ITFG2: variants seen among roughly 807,000 people sequenced by gnomAD.
The protein encoded by ITFG2 is KICSTOR complex protein ITFG2.
Under a neutral mutation model 54.4 loss-of-function variants are expected in ITFG2, and 36 were observed. The observed-to-expected ratio is 0.66, with a 90% CI of 0.51 to 0.87. The LOEUF is 0.87. ITFG2 is among the 40% of genes least tolerant of loss of function. ITFG2 has a pLI of 0.00. For synonymous variants in ITFG2, 211 were observed against 225.4 expected (o/e 0.94, Z 0.57); for missense variants, 524 against 576.7 (o/e 0.91, Z 0.94).
At chr12:2,827,388 C>T (rs1403578488), downstream of ITFG2, 43 of 1,530,296 alleles carry the variant, frequency 2.8e-5, no homozygotes, top group Non-Finnish European at 3.3e-5. The surrounding 1 kb of genome is among the most constrained non-coding windows in gnomAD (Gnocchi z 4.0). Flanking sequence ...CCACTTCCCA[C>T]AGCTTCCACC....
At chr12:2,852,812 A>G (rs1328176691) in intron 2 of ITFG2, among the ~76,000 whole-genome samples, 2 of 152,050 alleles carry the variant, frequency 1.3e-5, no homozygotes, top group Non-Finnish European at 2.9e-5. Flanking sequence ...AGCCTGGCCA[A>G]CATGGAGAAA....
chr12:2,849,743 TGTC>T (rs2153928242), intron 2 of ITFG2, among the ~76,000 whole-genome samples: 1 of 152,334 alleles, frequency 6.6e-6, no homozygotes, highest in South Asian at 2.1e-4. Flanking sequence ...GGTGAAATAA[TGTC>T]GTGCAGCTAG....
chr12:2,834,868 G>T (rs61735301), upstream of ITFG2: 1 of 1,613,850 alleles, frequency 6.2e-7, no homozygotes, highest in Non-Finnish European at 8.5e-7. Flanking sequence ...GGGGCTGCTC[G>T]GTGGGGGCGT....
intron 1 of ITFG2, among the ~76,000 whole-genome samples, chr12:2,814,011 G>A (rs957464125): frequency 1.3e-5 from 2 of 152,124 alleles, no homozygotes; most frequent in Non-Finnish European, 2.9e-5. Context: ...TGGTGCAATC[G>A]TAGCTCACTG....
At chr12:2,815,756 T>C (rs2097919884) in intron 1 of ITFG2, among the ~76,000 whole-genome samples, 1 of 152,210 alleles carries the variant, frequency 6.6e-6, no homozygotes. Flanking sequence ...GGGTGGGCCA[T>C]AGATTGTGTG....
Position 2,855,155 on chromosome 12 carries a change from G to A in ITFG2, n.301-2857G>A, listed in dbSNP as rs777953082. On this transcript the variant is annotated intron_variant and non_coding_transcript_variant, in intron 2 of 3. Coordinates refer to the ITFG2 transcript ENST00000537710. Reference sequence around the variant, plus strand: ...TGGGCATTGGAGTCGGTCAGCCAGCGCCAGACATTGCTATCGTAGGGCCTG... The same window carrying A: ...TGGGCATTGGAGTCGGTCAGCCAGCACCAGACATTGCTATCGTAGGGCCTG... 42 of 1,525,764 alleles carry A rather than the reference G, an allele frequency of 2.8e-5. No homozygotes were observed. In the Middle Eastern group the frequency reaches 1.0e-3, roughly 37 times the overall value. The allele number at this position is 1,525,764 out of a possible 1,614,324, so 94.5% of individuals were successfully genotyped here.
chr12:2,834,929 T>C, upstream of ITFG2: 1 of 1,610,340 alleles, frequency 6.2e-7, no homozygotes, highest in Non-Finnish European at 8.5e-7. Flanking sequence ...GTGCTGCAGC[T>C]CTCTTTCCAA....
intron 2 of ITFG2, among the ~76,000 whole-genome samples, chr12:2,854,324 C>T (rs2098080633): frequency 6.6e-6 from 1 of 152,238 alleles, no homozygotes; most frequent in Admixed American, 6.5e-5. Flanking sequence ...CACGCCCTGC[C>T]ATAACATCTA....
chr12:2,858,802 A>G, intron 3 of ITFG2: 2 of 1,614,198 alleles, frequency 1.2e-6, no homozygotes, highest in Non-Finnish European at 1.7e-6. Context: ...GCAAGGCCAG[A>G]AACCTGTGGC....
At chr12:2,819,942 C>A in intron 4 of ITFG2, 144 bp from the exon 5 acceptor site, 1 of 1,022,154 alleles carries the variant, frequency 9.8e-7, no homozygotes, top group Non-Finnish European at 1.4e-6. Context: ...CAAACACAGG[C>A]AGGGGCGGGG....
At chr12:2,857,452 C>T (rs1360175624) in intron 2 of ITFG2, 3 of 230,898 alleles carry the variant, frequency 1.3e-5, no homozygotes, top group Admixed American at 4.9e-5. Context: ...TCCCAAGGAA[C>T]AAGGTCAGAG....
chr12:2,842,784 G>T (rs1003261478), intron 2 of ITFG2, among the ~76,000 whole-genome samples: 1 of 152,140 alleles, frequency 6.6e-6, no homozygotes, highest in African/African-American at 2.4e-5. Context: ...TTATGTTTCT[G>T]TTGGACAGCC....
At chr12:2,846,626 T>C (rs543274301) in intron 2 of ITFG2, among the ~76,000 whole-genome samples, 3 of 152,018 alleles carry the variant, frequency 2.0e-5, no homozygotes, top group East Asian at 3.9e-4. Flanking sequence ...GGATCCTATG[T>C]AAAGGGAACC....
chr12:2,850,366 C>T (rs1282944368), intron 2 of ITFG2, among the ~76,000 whole-genome samples: 5 of 149,786 alleles, frequency 3.3e-5, no homozygotes, highest in Admixed American at 6.7e-5. Context: ...CCCAGCTACT[C>T]GGGAGGCTGA....
chr12:2,818,072 C>A, intron 3 of ITFG2, 34 bp from the exon 4 acceptor site: 1 of 1,609,756 alleles, frequency 6.2e-7, no homozygotes, highest in South Asian at 1.1e-5. Context: ...ACTCCCTCCC[C>A]AGTCCATCTC....
At chr12:2,835,156 C>CGTGTGT (rs1404966974), upstream of ITFG2, 92 of 1,299,546 alleles carry the variant, frequency 7.1e-5, 11 homozygotes, top group African/African-American at 1.2e-3. Flanking sequence ...GTGGATGGGG[C>CGTGTGT]GTATGTGTGT....
At chr12:2,822,589 G>C (rs1442006019) in intron 9 of ITFG2, among the ~76,000 whole-genome samples, 1 of 152,188 alleles carries the variant, frequency 6.6e-6, no homozygotes, top group Non-Finnish European at 1.5e-5. Context: ...CCTTGGGTGA[G>C]TGACTCTATT....
At chr12:2,855,149 G>A (rs1389867679) in intron 2 of ITFG2, 1 of 1,528,716 alleles carries the variant, frequency 6.5e-7, no homozygotes, top group African/African-American at 1.4e-5. Flanking sequence ...GAGTCGGTCA[G>A]CCAGCGCCAG....
chr12:2,853,511 G>A (rs888905196), intron 2 of ITFG2, among the ~76,000 whole-genome samples: 2 of 152,110 alleles, frequency 1.3e-5, no homozygotes, highest in Non-Finnish European at 2.9e-5. Flanking sequence ...GACCTCAGGC[G>A]ATCTGCCTGC....
Sources: gnomAD v4.1 joint callset for allele counts (sites outside exome capture counted in the v4.1 genomes callset) on GRCh38, gnomAD v4.1.1 for gene constraint, Gnocchi (gnomAD v3.1) non-coding constraint, MANE v1.5 for transcripts, NCBI Gene and HGNC (gene_info 2026-07-23, HGNC 2026-07-21) for gene names.